Variants in IDE observed in about 807,000 individuals in gnomAD.
IDE encodes the protein insulin-degrading enzyme.
A neutral mutation model predicts 133.2 loss-of-function variants in IDE; 58 were observed. The observed-to-expected ratio is 0.44, with a 90% confidence interval of 0.35 to 0.54. The LOEUF (loss-of-function observed/expected upper bound fraction) is 0.54, where lower values mean the gene tolerates loss of function less well. Among genes scored for constraint, IDE ranks in the 20% least tolerant of loss-of-function variants. The pLI is 0.00. For missense variants in IDE, 981 were observed against 1,234.0 expected (o/e 0.79, Z 3.07); for synonymous variants, 396 against 421.3 (o/e 0.94, Z 0.73).
intron 4 of IDE, among the ~76,000 whole-genome samples, chr10:92,523,792 T>C (rs1016005537): frequency 6.6e-6 from 1 of 151,824 alleles, no homozygotes; most frequent in South Asian, 2.1e-4. Context: ...ATTCTACCTA[T>C]ACATGAAGGA....
intron 12 of IDE, among the ~76,000 whole-genome samples, chr10:92,488,932 T>TAAAAAAAA (rs56377277): frequency 6.3e-5 from 5 of 78,976 alleles, no homozygotes; most frequent in Admixed American, 1.6e-4. Context: ...TTTCATTATT[T>TAAAAAAAA]AAAAAAAAAA....
At chr10:92,485,146 T>C (rs11595475) in intron 13 of IDE, among the ~76,000 whole-genome samples, 1 of 84,210 alleles carries the variant, frequency 1.2e-5, no homozygotes, top group Non-Finnish European at 2.4e-5. Context: ...TTTTTTTTTG[T>C]GACAGAGTTT....
chr10:92,533,151 T>C (rs1022926606), intron 3 of IDE, among the ~76,000 whole-genome samples: 1 of 152,202 alleles, frequency 6.6e-6, no homozygotes, highest in Non-Finnish European at 1.5e-5. Context: ...TAAAGTTTTT[T>C]AAATGATCCT....
At chr10:92,512,952 A>G (rs547299804) in intron 5 of IDE, among the ~76,000 whole-genome samples, 1 of 152,292 alleles carries the variant, frequency 6.6e-6, no homozygotes, top group South Asian at 2.1e-4. Flanking sequence ...CACAACAGGT[A>G]CAATGTACCA....
chr10:92,540,581 T>C (rs1262027000), intron 1 of IDE, among the ~76,000 whole-genome samples: 2 of 152,184 alleles, frequency 1.3e-5, no homozygotes, highest in African/African-American at 4.8e-5. Context: ...CTGGTGATAG[T>C]TATACTCAAT....
intron 1 of IDE, among the ~76,000 whole-genome samples, chr10:92,552,529 A>T (rs1017988294): frequency 7.2e-5 from 11 of 152,178 alleles, no homozygotes; most frequent in Admixed American, 3.3e-4. Flanking sequence ...CCTCAGCAAC[A>T]ATGAGCACAT....
chr10:92,455,004 C>T (rs1589346612), intron 24 of IDE, among the ~76,000 whole-genome samples: 1 of 152,186 alleles, frequency 6.6e-6, no homozygotes, highest in East Asian at 1.9e-4. Context: ...GTATTCAGTG[C>T]TGGGAACAGA....
In IDE at chr10:92,452,644, AT is replaced by A. The variant is rs143868751; in HGVS notation, c.*1799del. ...TAAAAAAGACACTTAAATTTCACCC[AT>A]TTTTTAAAAAAGAGCTAAAAGTTAC... On this transcript the variant is annotated 3_prime_UTR_variant, in exon 25 of 25. Coordinates refer to ENST00000265986, the MANE Select transcript of IDE (RefSeq NM_004969.4). 6.6e-6 allele frequency: 1 copy of A among 152,186 alleles called. No individual in the cohort carries two copies. Among genetic ancestry groups the A allele is most frequent in the African/African-American group, 2.4e-5 (1 of 41,448 alleles). 9.4% of individuals were successfully genotyped at this position (152,186 alleles called of 1,614,324 possible). A position where few individuals can be genotyped will look rare whatever the true frequency, so the allele number is the denominator to read the frequency against.
At chr10:92,540,000 G>A (rs1224059060) in intron 1 of IDE, among the ~76,000 whole-genome samples, 12 of 152,108 alleles carry the variant, frequency 7.9e-5, no homozygotes, top group Admixed American at 4.6e-4. Context: ...CTAGCACTTC[G>A]GGAGACTGAG....
At chr10:92,528,129 C>T (rs1214296267) in intron 4 of IDE, among the ~76,000 whole-genome samples, 1 of 152,132 alleles carries the variant, frequency 6.6e-6, no homozygotes, top group Non-Finnish European at 1.5e-5. Context: ...TGTTGTGCTT[C>T]CTTTCCATCT....
chr10:92,464,055 A>G, intron 20 of IDE, 52 bp from the exon 21 acceptor site: 13 of 1,553,472 alleles, frequency 8.4e-6, no homozygotes, highest in Non-Finnish European at 1.1e-5. Flanking sequence ...GACCTGGGTC[A>G]TTTTTAATCC....
intron 1 of IDE, among the ~76,000 whole-genome samples, chr10:92,546,387 C>T (rs1031968013): frequency 6.6e-6 from 1 of 152,054 alleles, no homozygotes; most frequent in African/African-American, 2.4e-5. Flanking sequence ...AAAAATAGAG[C>T]TTTTCAAAAT....
At chr10:92,486,863 AG>A (rs1847029456) in intron 13 of IDE, among the ~76,000 whole-genome samples, 1 of 152,180 alleles carries the variant, frequency 6.6e-6, no homozygotes, top group Non-Finnish European at 1.5e-5. Flanking sequence ...TCCATGATGC[AG>A]CATAAACCTA....
intron 1 of IDE, among the ~76,000 whole-genome samples, chr10:92,564,247 G>A (rs1322619399): frequency 2.6e-5 from 4 of 152,126 alleles, no homozygotes; most frequent in South Asian, 2.1e-4. Context: ...GGAAATTCCA[G>A]GCAACCATTC....
intron 11 of IDE, among the ~76,000 whole-genome samples, chr10:92,498,189 C>A (rs530594111): frequency 6.6e-6 from 1 of 152,274 alleles, no homozygotes; most frequent in Admixed American, 6.5e-5. Flanking sequence ...CACAAGTCCC[C>A]CTTTCAGGAC....
chr10:92,469,063 G>A, intron 18 of IDE, 73 bp from the exon 19 acceptor site: 1 of 845,372 alleles, frequency 1.2e-6, no homozygotes, highest in Non-Finnish European at 2.0e-6. Context: ...AACTGGCTTT[G>A]TTTATCATAA....
rs893745525 is a variant in IDE, at chr10:92,465,746, C to G, written c.2418G>C (p.Met806Ile). The change falls in exon 20 of 25, where the codon ATG becomes ATC. Residue 806 changes from methionine to isoleucine, a missense_variant. Physicochemically the swap from Met to Ile is conservative, Grantham distance 10 (BLOSUM62 1). Transcript: ENST00000265986. ...TAATCTGACAGAAGAGCTCCAGAAACATATTCTCTGAGGTGCTTTGCATGT... is the reference window on the plus strand; with the variant it reads ...TAATCTGACAGAAGAGCTCCAGAAAGATATTCTCTGAGGTGCTTTGCATGT... Reference protein sequence around the residue: ...QTDMQSTSENMFLELFCQIIS... With the variant: ...QTDMQSTSENIFLELFCQIIS... 13 of 1,613,888 alleles carry G rather than the reference C, an allele frequency of 8.1e-6. No homozygotes were observed. The highest frequency in any genetic ancestry group is 1.1e-5 in the Non-Finnish European group (13 of 1,179,910).
At chr10:92,469,312 G>T (rs1000399109) in intron 18 of IDE, among the ~76,000 whole-genome samples, 1 of 152,182 alleles carries the variant, frequency 6.6e-6, no homozygotes, top group African/African-American at 2.4e-5. Context: ...GGCAAACATA[G>T]GCTTTATTGT....
intron 12 of IDE, 129 bp from the exon 13 acceptor site, chr10:92,487,447 T>C (rs1847069090): frequency 1.3e-6 from 1 of 786,920 alleles, no homozygotes; most frequent in Non-Finnish European, 2.0e-6. Flanking sequence ...CCATCATATA[T>C]AAAAGAGGTA....
Sources: allele counts gnomAD v4.1 joint callset (sites outside exome capture counted in the v4.1 genomes callset), GRCh38; gene constraint gnomAD v4.1.1; transcripts MANE v1.5; gene names NCBI Gene and HGNC (gene_info 2026-07-23, HGNC 2026-07-21).